Variants in PADI4 observed in about 807,000 individuals in gnomAD.
The protein encoded by PADI4 is peptidyl arginine deiminase 4.
In PADI4, 62 loss-of-function variants were observed where a neutral mutation model predicts 75.0. The observed-to-expected ratio is 0.83, with a 90% CI of 0.67 to 1.02. The LOEUF is 1.02. Among genes scored for constraint, PADI4 ranks in the 50% least tolerant of loss-of-function variants. The probability of loss-of-function intolerance (pLI) is 0.00; values close to 1 mark genes in which losing one functional copy is unlikely to be tolerated. For synonymous variants in PADI4, 361 were observed against 348.1 expected (o/e 1.04, Z -0.41); for missense variants, 845 against 850.5 (o/e 0.99, Z 0.08).
At chr1:17,342,239 T>A (rs988884334) in intron 7 of PADI4, 60 bp from the exon 8 acceptor site, 78 of 1,406,630 alleles carry the variant, frequency 5.5e-5, no homozygotes, top group Non-Finnish European at 1.3e-5. Context: ...CAGGAAGTGG[T>A]AGGTGCTGGG....
chr1:17,338,855 G>A (rs186303342), intron 5 of PADI4, among the ~76,000 whole-genome samples: 3 of 152,284 alleles, frequency 2.0e-5, no homozygotes, highest in African/African-American at 4.8e-5. Context: ...CCTTCCTGGG[G>A]AGCTCTTAGA....
chr1:17,342,102 T>C lies in PADI4; in HGVS notation c.812T>C (p.Leu271Pro), dbSNP rs1283010485. 6.2e-6 allele frequency: 10 copies of C among 1,613,856 alleles called. No individual in the cohort carries two copies. Among genetic ancestry groups the C allele is most frequent in the South Asian group, 2.2e-5 (2 of 91,062 alleles). Residue 271 changes from leucine to proline, a missense_variant, in exon 7 of 16, where the codon CTG becomes CCG. By Grantham distance (98) the Leu-to-Pro change is moderately conservative (BLOSUM62 -3). Coordinates refer to ENST00000375448, the MANE Select transcript of PADI4 (RefSeq NM_012387.3). ...GGGCTCATTACCCTCACCATCTCCCTGCTGGACACGTCCAACCTGGTAGGC... is the reference window on the plus strand; with the variant it reads ...GGGCTCATTACCCTCACCATCTCCCCGCTGGACACGTCCAACCTGGTAGGC... ...FPGLITLTIS[L>P]LDTSNLELPE...
intron 13 of PADI4, 41 bp from the exon 14 acceptor site, chr1:17,358,797 T>G: frequency 7.1e-7 from 1 of 1,400,472 alleles, no homozygotes; most frequent in East Asian, 2.4e-5. Flanking sequence ...GAAATCGACC[T>G]CTAAGTTCAT....
Position 17,316,996 on chromosome 1 carries a change from AG to A in PADI4, c.92+8683del, listed in dbSNP as rs2073952289. Among the ~76,000 whole-genome samples, 5 of 152,112 alleles carry A rather than the reference AG, an allele frequency of 3.3e-5. No individual in the cohort carries two copies. In the South Asian group the frequency reaches 1.0e-3, roughly 32 times the overall value. On this transcript the variant is annotated intron_variant, in intron 1 of 15. Transcript: ENST00000375448. The stretch of plus-strand genomic sequence containing the variant: ...AGTGTGTGTAGAACGCCAGGCTCAC[AG>A]TAGCTCTCAACAGATACCAGTGTAT...
chr1:17,336,261 A>T, intron 4 of PADI4, 35 bp downstream of exon 4: 1 of 1,555,356 alleles, frequency 6.4e-7, no homozygotes, highest in Non-Finnish European at 8.9e-7. Flanking sequence ...TCCTACTTCT[A>T]CTGGATTCTC....
intron 10 of PADI4, among the ~76,000 whole-genome samples, chr1:17,351,609 C>CA (rs56047360): frequency 0.055 from 5,333 of 97,666 alleles, 149 homozygotes; most frequent in Admixed American, 0.068. Context: ...GACCTGGTCT[C>CA]AAAAAAAAAA....
chr1:17,345,410 G>A (rs545122224), intron 8 of PADI4, among the ~76,000 whole-genome samples: 2 of 152,302 alleles, frequency 1.3e-5, no homozygotes, highest in Admixed American at 6.5e-5. Context: ...GGACTGTTGG[G>A]AAGGCATGAT....
At chr1:17,339,589 G>C (rs1432800189) in intron 5 of PADI4, 99 bp from the exon 6 acceptor site, 22 of 1,248,246 alleles carry the variant, frequency 1.8e-5, no homozygotes, top group African/African-American at 2.9e-5. Flanking sequence ...TCTCAGGGGA[G>C]CGGTGGGGTG....
intron 3 of PADI4, among the ~76,000 whole-genome samples, chr1:17,335,241 A>C (rs1257550987): frequency 6.6e-6 from 1 of 152,208 alleles, no homozygotes; most frequent in Non-Finnish European, 1.5e-5. Context: ...ATGCATATTT[A>C]AGTAATAATA....
Position 17,308,209 on chromosome 1 carries a change from G to T in PADI4, c.-14G>T. On this transcript the variant is annotated 5_prime_UTR_variant, in exon 1 of 16. Coordinates refer to ENST00000375448, the MANE Select transcript of PADI4 (RefSeq NM_012387.3). ...AGGGGCTTCCTACAGCCAGAGGGAC[G>T]AGCTAGCCCGACGATGGCCCAGGGG... 1.9e-6 allele frequency: 3 copies of T among 1,612,366 alleles called. No individual in the cohort carries two copies. The highest frequency in any genetic ancestry group is 2.5e-6 in the Non-Finnish European group (3 of 1,178,598).
In PADI4 at chr1:17,359,287, T is replaced by G; in HGVS notation, c.1637T>G (p.Ile546Ser). 2.1e-6 allele frequency: 3 copies of G among 1,405,546 alleles called. No homozygotes were observed. Among genetic ancestry groups the G allele is most frequent in the South Asian group, 2.3e-5 (2 of 88,272 alleles). The allele number at this position is 1,405,546 out of a possible 1,614,324, so 87.1% of individuals were successfully genotyped here. ...REHNSFVERC[I>S]DWNRELLKRE... ...CCCTGCCCCTTCCCCAAGAGATGCA[T>G]CGACTGGAACCGCGAGCTGCTGAAG... Residue 546 changes from isoleucine to serine, a missense_variant, in exon 15 of 16, where the codon ATC (isoleucine) becomes AGC (serine). Ile to Ser is a moderately radical substitution (Grantham distance 142). Coordinates refer to ENST00000375448, the MANE Select transcript of PADI4 (RefSeq NM_012387.3).
chr1:17,308,435 C>A, intron 1 of PADI4, 121 bp downstream of exon 1: 1 of 735,646 alleles, frequency 1.4e-6, no homozygotes, highest in Non-Finnish European at 2.3e-6. Context: ...GCAGCCACTG[C>A]CAGGGGAGTA....
chr1:17,318,158 G>A lies in PADI4; in HGVS notation c.92+9844G>A, dbSNP rs141404806. Among the ~76,000 whole-genome samples the A allele has an allele frequency of 6.2e-4, 95 of 152,326 alleles. 2 individuals carry two copies. The highest frequency in any genetic ancestry group is 2.0e-3 in the African/African-American group (84 of 41,572). On this transcript the variant is annotated intron_variant, in intron 1 of 15. Coordinates refer to ENST00000375448, the MANE Select transcript of PADI4 (RefSeq NM_012387.3). ...CTGCTGTTCCGAAGACCACACTTTG[G>A]GAAGCATTGGTCTTTAGGAAGTGCT... is the stretch of plus-strand genomic sequence containing the variant.
chr1:17,337,605 G>A (rs1044049958), intron 4 of PADI4, among the ~76,000 whole-genome samples: 2 of 151,976 alleles, frequency 1.3e-5, no homozygotes, highest in African/African-American at 4.8e-5. Context: ...AGCAAGATGT[G>A]TAAACTGCAC....
At chr1:17,312,441 T>C (rs2501803) in intron 1 of PADI4, among the ~76,000 whole-genome samples, 10,557 of 90,592 alleles carry the variant, frequency 0.12, 452 homozygotes, top group African/African-American at 0.18. Context: ...ACCTGGGCAA[T>C]AAGAGTGAAA....
intron 13 of PADI4, 64 bp from the exon 14 acceptor site, chr1:17,358,774 G>A: frequency 9.2e-7 from 1 of 1,082,348 alleles, no homozygotes; most frequent in Non-Finnish European, 1.4e-6. Flanking sequence ...CCCCGGCACT[G>A]GCTGGGAAGA....
chr1:17,332,491 C>A (rs2074232284), intron 2 of PADI4, among the ~76,000 whole-genome samples: 1 of 152,148 alleles, frequency 6.6e-6, no homozygotes, highest in African/African-American at 2.4e-5. Context: ...CTCAAGTGAT[C>A]CACTCACCTC....
chr1:17,350,400 G>A (rs188739031), intron 10 of PADI4, among the ~76,000 whole-genome samples: 1 of 131,446 alleles, frequency 7.6e-6, no homozygotes, highest in Admixed American at 8.3e-5. Context: ...CTCTGAGCTC[G>A]AGGTCAGCTC....
At chr1:17,357,244 T>C (rs1234381185) in intron 13 of PADI4, among the ~76,000 whole-genome samples, 1 of 152,216 alleles carries the variant, frequency 6.6e-6, no homozygotes, top group Non-Finnish European at 1.5e-5. Flanking sequence ...CTCGACTCTC[T>C]GCAGCCTCTG....
Sources: gnomAD v4.1 joint callset for allele counts (sites outside exome capture counted in the v4.1 genomes callset) on GRCh38, gnomAD v4.1.1 for gene constraint, MANE v1.5 for transcripts, NCBI Gene and HGNC (gene_info 2026-07-23, HGNC 2026-07-21) for gene names.